REDIC1: variants seen among roughly 807,000 people sequenced by gnomAD.
REDIC1 encodes regulator of DNA class I crossover intermediates 1.
the REDIC1 span, among the ~76,000 whole-genome samples, chr12:39,695,505 G>T: frequency 3.2e-3 from 481 of 152,212 alleles, 4 homozygotes; most frequent in South Asian, 6.8e-3. Flanking sequence ...ATGGGGTGAG[G>T]TTCATCTGCC....
the REDIC1 span, among the ~76,000 whole-genome samples, chr12:39,859,572 G>C: frequency 1.3e-5 from 2 of 152,094 alleles, no homozygotes; most frequent in African/African-American, 4.8e-5. Flanking sequence ...ACCCAGGCTG[G>C]AGTGCAGTGG....
chr12:39,777,716 G>A, the REDIC1 span, among the ~76,000 whole-genome samples: 27 of 152,312 alleles, frequency 1.8e-4, no homozygotes, highest in East Asian at 4.6e-3. Context: ...CGAGAGGAAC[G>A]CACCAACAGG....
the REDIC1 span, among the ~76,000 whole-genome samples, chr12:39,654,477 A>G: frequency 6.6e-6 from 1 of 151,846 alleles, no homozygotes; most frequent in African/African-American, 2.4e-5. Context: ...AGTCCCAGCT[A>G]CTCGGGAGCC....
chr12:39,845,769 A>G, the REDIC1 span, among the ~76,000 whole-genome samples: 1 of 152,166 alleles, frequency 6.6e-6, no homozygotes, highest in East Asian at 1.9e-4. Flanking sequence ...AAAATTTCAT[A>G]AAATTAAATC....
At chr12:39,795,657 T>C in the REDIC1 span, among the ~76,000 whole-genome samples, 1,066 of 152,292 alleles carry the variant, frequency 7.0e-3, 17 homozygotes, top group African/African-American at 0.024. Context: ...TGGCTGTTGC[T>C]AGACACCTGG....
At chr12:39,630,113 A>G in the REDIC1 span, among the ~76,000 whole-genome samples, 2 of 152,264 alleles carry the variant, frequency 1.3e-5, no homozygotes, top group African/African-American at 2.4e-5. Flanking sequence ...GAGAGACAAC[A>G]TATGTAAGCA....
chr12:39,691,340 A>T, the REDIC1 span, among the ~76,000 whole-genome samples: 1 of 152,162 alleles, frequency 6.6e-6, no homozygotes, highest in Non-Finnish European at 1.5e-5. Context: ...TCTATATCCT[A>T]CCAACAGAGA....
chr12:39,858,546 C>A, the REDIC1 span, among the ~76,000 whole-genome samples: 1 of 152,116 alleles, frequency 6.6e-6, no homozygotes, highest in Non-Finnish European at 1.5e-5. Context: ...GCTAAACACA[C>A]TATTACCAGG....
chr12:39,771,870 T>C, the REDIC1 span, among the ~76,000 whole-genome samples: 3 of 152,270 alleles, frequency 2.0e-5, no homozygotes, highest in Admixed American at 2.0e-4. Flanking sequence ...TTTATGCAAC[T>C]AAACTAAATT....
At chr12:39,906,712 T>G in the REDIC1 span, among the ~76,000 whole-genome samples, 1 of 152,096 alleles carries the variant, frequency 6.6e-6, no homozygotes, top group African/African-American at 2.4e-5. Context: ...AAATATTAAA[T>G]CAATTACTAA....
chr12:39,712,428 A>G, the REDIC1 span, among the ~76,000 whole-genome samples: 360 of 121,304 alleles, frequency 3.0e-3, 1 homozygote, highest in Non-Finnish European at 5.1e-3. Flanking sequence ...ACATACGTAT[A>G]TATACATACG....
chr12:39,874,053 G>A, the REDIC1 span, among the ~76,000 whole-genome samples: 1 of 152,174 alleles, frequency 6.6e-6, no homozygotes, highest in Non-Finnish European at 1.5e-5. Flanking sequence ...GAATGAAATG[G>A]AAAGACAATA....
chr12:39,710,620 T>A, the REDIC1 span, among the ~76,000 whole-genome samples: 1 of 151,884 alleles, frequency 6.6e-6, no homozygotes, highest in Non-Finnish European at 1.5e-5. Context: ...TGAAAATTGT[T>A]GGTTTATTCA....
the REDIC1 span, among the ~76,000 whole-genome samples, chr12:39,875,373 C>T: frequency 2.0e-5 from 3 of 152,218 alleles, no homozygotes; most frequent in African/African-American, 4.8e-5. Flanking sequence ...TTTGCTTTGC[C>T]TCCCTTGTGA....
the REDIC1 span, among the ~76,000 whole-genome samples, chr12:39,899,192 T>C: frequency 1.3e-5 from 2 of 152,210 alleles, no homozygotes; most frequent in Admixed American, 1.3e-4. Context: ...ATTGAACTTC[T>C]TCCTGGTTTA....
the REDIC1 span, among the ~76,000 whole-genome samples, chr12:39,874,677 A>G: frequency 6.6e-6 from 1 of 152,030 alleles, no homozygotes; most frequent in African/African-American, 2.4e-5. Flanking sequence ...CTATAGCAGA[A>G]GCTTCTGTTA....
the REDIC1 span, among the ~76,000 whole-genome samples, chr12:39,838,162 T>G: frequency 1.3e-5 from 2 of 148,480 alleles, no homozygotes; most frequent in Admixed American, 6.7e-5. Flanking sequence ...TACGCAGCCA[T>G]AAAAAAGGAT....
At chr12:39,817,288 T>C in the REDIC1 span, among the ~76,000 whole-genome samples, 1 of 152,188 alleles carries the variant, frequency 6.6e-6, no homozygotes, top group Non-Finnish European at 1.5e-5. Context: ...CCATGTGGTG[T>C]GCTAGGGTGG....
At chr12:39,680,998 G>A in the REDIC1 span, among the ~76,000 whole-genome samples, 2 of 152,300 alleles carry the variant, frequency 1.3e-5, no homozygotes, top group Non-Finnish European at 2.9e-5. Flanking sequence ...TGGACCGGGT[G>A]TGGTGGCCTA....
Sources: allele counts gnomAD v4.1 joint callset (sites outside exome capture counted in the v4.1 genomes callset), GRCh38; gene constraint gnomAD v4.1.1; transcripts MANE v1.5; gene names NCBI Gene and HGNC (gene_info 2026-07-23, HGNC 2026-07-21).